The following LTA4H variants were observed in gnomAD, a reference collection of about 807,000 sequenced individuals.
LTA4H encodes leukotriene A4 hydrolase.
In LTA4H, 59 loss-of-function variants were observed where a neutral mutation model predicts 89.8. The ratio of observed to expected loss-of-function variants is 0.66; its 90% CI spans 0.53 to 0.82. The LOEUF (loss-of-function observed/expected upper bound fraction) is 0.82. Among genes scored for constraint, LTA4H ranks in the 40% least tolerant of loss-of-function variants. The pLI, the probability that LTA4H is intolerant of heterozygous loss-of-function variation, is 0.00. For missense variants in LTA4H, 617 were observed against 727.0 expected (o/e 0.85, Z 1.74); for synonymous variants, 227 against 253.1 (o/e 0.90, Z 0.98).
intron 12 of LTA4H, 139 bp from the exon 13 acceptor site, chr12:96,013,992 G>A (rs1950341775): frequency 1.9e-6 from 1 of 534,626 alleles, no homozygotes; most frequent in Admixed American, 3.8e-5. Context: ...GACTTTCAGA[G>A]TGAAAGAATG....
At chr12:96,037,881 G>T (rs1036472616), upstream of LTA4H, among the ~76,000 whole-genome samples, 6 of 151,912 alleles carry the variant, frequency 3.9e-5, no homozygotes, top group Admixed American at 3.9e-4. Flanking sequence ...TAGCAGAGAC[G>T]GGGTTTCACC....
intron 3 of LTA4H, 122 bp from the exon 4 acceptor site, chr12:96,024,669 ATT>A (rs5800241): frequency 0.022 from 8,681 of 402,768 alleles, no homozygotes; most frequent in East Asian, 0.044. Context: ...ATTTCTTGGG[ATT>A]TTTTTTTTTT....
intron 3 of LTA4H, among the ~76,000 whole-genome samples, chr12:96,026,111 T>C (rs1950510428): frequency 1.3e-5 from 2 of 152,182 alleles, no homozygotes; most frequent in Non-Finnish European, 2.9e-5. Context: ...CTAGATGGAT[T>C]AAGTAGGACT....
intron 3 of LTA4H, among the ~76,000 whole-genome samples, 200 bp downstream of exon 3, chr12:96,027,240 CTTAT>C (rs1950522144): frequency 6.6e-6 from 1 of 152,010 alleles, no homozygotes; most frequent in South Asian, 2.1e-4. Context: ...AAAGAAGCTT[CTTAT>C]TTAAAGTAAG....
Position 96,029,053 on chromosome 12 carries a change from A to G in LTA4H, c.290+2T>C. The G allele has an allele frequency of 6.4e-7, 1 of 1,574,114 alleles. No individual in the cohort carries two copies. Among genetic ancestry groups the G allele is most frequent in the South Asian group, 1.2e-5 (1 of 81,846 alleles). On this transcript the variant is annotated splice_donor_variant, in intron 2 of 18. Transcript: ENST00000228740. LOFTEE classifies it high-confidence loss of function. ...AAAAGAGAAAGATCATAACATTCAT[A>G]CTTGCTCAAAGCGATAGGAAGAGAG...
intron 1 of LTA4H, among the ~76,000 whole-genome samples, chr12:96,041,690 G>T (rs539993752): frequency 1.3e-5 from 2 of 152,054 alleles, no homozygotes; most frequent in Non-Finnish European, 2.9e-5. Context: ...CGCCCAGGCC[G>T]GAGTGCAGTG....
At chr12:96,014,453 T>G (rs1029002646) in intron 12 of LTA4H, 1 of 159,486 alleles carries the variant, frequency 6.3e-6, no homozygotes, top group Admixed American at 6.3e-5. Context: ...TGTATTTATT[T>G]GTCTGCTTGT....
At chr12:96,018,692 A>C in intron 8 of LTA4H, 71 bp downstream of exon 8, 3 of 1,142,904 alleles carry the variant, frequency 2.6e-6, no homozygotes, top group Non-Finnish European at 3.6e-6. Flanking sequence ...TATACATATT[A>C]TTAGGACTCC....
upstream of LTA4H, among the ~76,000 whole-genome samples, chr12:96,037,901 A>G (rs1326868902): frequency 3.3e-5 from 5 of 152,094 alleles, no homozygotes; most frequent in Non-Finnish European, 7.4e-5. Flanking sequence ...CGTGTTAGCC[A>G]GGATGGTCTG....
chr12:96,042,259 T>C (rs1950693438), intron 1 of LTA4H, among the ~76,000 whole-genome samples: 2 of 152,238 alleles, frequency 1.3e-5, no homozygotes, highest in East Asian at 3.9e-4. Flanking sequence ...CATCTCAGCC[T>C]CCCAGAAAGT....
intron 6 of LTA4H, 100 bp from the exon 7 acceptor site, chr12:96,019,340 G>C (rs1037030675): frequency 7.2e-6 from 7 of 976,158 alleles, no homozygotes; most frequent in Non-Finnish European, 9.4e-6. Flanking sequence ...TTTACAGTGA[G>C]AGTGCATTTA....
At chr12:96,016,364 A>G (rs959618009) in intron 10 of LTA4H, among the ~76,000 whole-genome samples, 16 of 151,064 alleles carry the variant, frequency 1.1e-4, no homozygotes, top group African/African-American at 3.9e-4. Flanking sequence ...TAATCTCAGC[A>G]CTTTGGGAGG....
chr12:96,028,137 A>T (rs1950532278), intron 2 of LTA4H, among the ~76,000 whole-genome samples: 1 of 152,186 alleles, frequency 6.6e-6, no homozygotes, highest in South Asian at 2.1e-4. Flanking sequence ...TCAGTCTATG[A>T]CAGATTGAAG....
In LTA4H at chr12:96,003,078, T is replaced by G. The variant is rs1162647922; in HGVS notation, c.1614-14A>C. ...AGCCGCAGCCATCTAAAAGGAGGAT[T>G]TGGGGGGAGCATGGAGTAGAAAATG... On this transcript the variant is annotated splice_polypyrimidine_tract_variant and intron_variant, in intron 17 of 18. Coordinates refer to ENST00000228740, the MANE Select transcript of LTA4H (RefSeq NM_000895.3). The G allele has an allele frequency of 3.9e-6, 6 of 1,553,646 alleles. No individual in the cohort carries two copies. Among genetic ancestry groups the G allele is most frequent in the Middle Eastern group, 1.7e-4 (1 of 5,994 alleles).
upstream of LTA4H, chr12:96,035,749 G>A (rs909916847): frequency 2.7e-6 from 3 of 1,118,810 alleles, no homozygotes; most frequent in Non-Finnish European, 3.6e-6. Flanking sequence ...ACCTGGGAGC[G>A]TGTGTGTTAG....
intron 12 of LTA4H, 88 bp downstream of exon 12, chr12:96,014,767 A>G (rs1950351319): frequency 7.9e-7 from 1 of 1,270,458 alleles, no homozygotes; most frequent in African/African-American, 1.5e-5. Flanking sequence ...GAAGTATTAA[A>G]TGGAACAAAA....
chr12:96,018,488 C>T (rs1027278458), intron 8 of LTA4H, among the ~76,000 whole-genome samples: 1 of 151,970 alleles, frequency 6.6e-6, no homozygotes, highest in East Asian at 1.9e-4. Flanking sequence ...GCAGAGGTTG[C>T]AGTGAGCTGA....
chr12:96,034,226 T>C (rs904450632), intron 1 of LTA4H, among the ~76,000 whole-genome samples: 2 of 152,352 alleles, frequency 1.3e-5, no homozygotes, highest in South Asian at 2.1e-4. Context: ...AAAATACACA[T>C]GTAGCATCCT....
chr12:96,003,961 G>A (rs963302523), intron 16 of LTA4H, 41 bp from the exon 17 acceptor site: 39 of 1,241,774 alleles, frequency 3.1e-5, no homozygotes, highest in Non-Finnish European at 4.4e-5. Context: ...CATTTCAACA[G>A]GATTCCTTGG....
Sources: gnomAD v4.1 joint callset for allele counts (sites outside exome capture counted in the v4.1 genomes callset) on GRCh38, gnomAD v4.1.1 for gene constraint, MANE v1.5 for transcripts, NCBI Gene and HGNC (gene_info 2026-07-23, HGNC 2026-07-21) for gene names.